GMDS: variants seen among roughly 807,000 people sequenced by gnomAD.
GMDS encodes GDP-mannose 4,6 dehydratase.
GMDS carries 20 observed loss-of-function variants against 49.9 expected under a neutral mutation model. That is an observed-to-expected ratio of 0.40 (90% confidence interval 0.28 to 0.58). The LOEUF is 0.58. GMDS is among the 20% of genes least tolerant of loss of function. The probability of loss-of-function intolerance (pLI) is 0.42; values close to 1 mark genes in which losing one functional copy is unlikely to be tolerated. For missense variants in GMDS, 362 were observed against 481.4 expected, an observed-to-expected ratio of 0.75 and a Z score of 2.32; for synonymous variants, 177 against 178.6, an observed-to-expected ratio of 0.99 and a Z score of 0.07.
At chr6:1,804,643 C>A (rs2113666107) in intron 7 of GMDS, among the ~76,000 whole-genome samples, 1 of 152,210 alleles carries the variant, frequency 6.6e-6, no homozygotes, top group Admixed American at 6.5e-5. Context: ...CTTCATTATA[C>A]ATTAACTTTA....
At chr6:1,683,282 C>T (rs1328508290) in intron 9 of GMDS, among the ~76,000 whole-genome samples, 1 of 152,176 alleles carries the variant, frequency 6.6e-6, no homozygotes, top group African/African-American at 2.4e-5. Context: ...CGCCACCACG[C>T]CCGGCTAGTT....
intron 9 of GMDS, among the ~76,000 whole-genome samples, chr6:1,690,107 G>C (rs9405503): frequency 6.6e-6 from 1 of 152,062 alleles, no homozygotes; most frequent in Non-Finnish European, 1.5e-5. Context: ...CTTGTCTCAA[G>C]AATAACAATA....
At chr6:1,760,398 TG>T (rs2113548807) in intron 7 of GMDS, among the ~76,000 whole-genome samples, 1 of 152,102 alleles carries the variant, frequency 6.6e-6, no homozygotes, top group East Asian at 1.9e-4. Context: ...CAGTATCCAG[TG>T]GGGAAGATGG....
intron 7 of GMDS, among the ~76,000 whole-genome samples, chr6:1,780,763 TG>T (rs1769047406): frequency 2.0e-5 from 3 of 152,212 alleles, no homozygotes; most frequent in Non-Finnish European, 2.9e-5. Context: ...TCCTAGTGCC[TG>T]GTGAGATGTC....
intron 9 of GMDS, among the ~76,000 whole-genome samples, chr6:1,711,605 C>T (rs1467476535): frequency 6.6e-6 from 1 of 152,144 alleles, no homozygotes; most frequent in Middle Eastern, 3.2e-3. Flanking sequence ...TATTTGTGGC[C>T]TGTGATTTTG....
intron 7 of GMDS, among the ~76,000 whole-genome samples, chr6:1,767,300 C>A (rs1311729340): frequency 6.6e-6 from 1 of 152,024 alleles, no homozygotes; most frequent in Non-Finnish European, 1.5e-5. Flanking sequence ...ACAGAAACGA[C>A]AACAACTCTT....
intron 4 of GMDS, among the ~76,000 whole-genome samples, chr6:2,061,786 T>A (rs1771198123): frequency 6.6e-6 from 1 of 150,580 alleles, no homozygotes; most frequent in South Asian, 2.1e-4. Flanking sequence ...ACTACCTCAG[T>A]TGGAATGATC....
intron 7 of GMDS, among the ~76,000 whole-genome samples, chr6:1,926,293 C>T (rs751359353): frequency 1.3e-4 from 20 of 152,164 alleles, no homozygotes; most frequent in Non-Finnish European, 2.8e-4. Context: ...TGAAAGAGCA[C>T]CCTGTAACAC....
At chr6:1,694,184 C>A (rs934921892) in intron 9 of GMDS, among the ~76,000 whole-genome samples, 4 of 152,116 alleles carry the variant, frequency 2.6e-5, no homozygotes, top group African/African-American at 9.7e-5. Context: ...TTCTACTATG[C>A]TACGGATTGT....
intron 1 of GMDS, among the ~76,000 whole-genome samples, chr6:2,169,616 G>A (rs1033498923): frequency 2.9e-5 from 4 of 136,768 alleles, no homozygotes; most frequent in African/African-American, 6.1e-5. Context: ...AAAGCCACCA[G>A]GCAGCAAAAA....
chr6:2,006,386 C>T (rs1302544933), intron 4 of GMDS, among the ~76,000 whole-genome samples: 2 of 152,000 alleles, frequency 1.3e-5, no homozygotes, highest in Non-Finnish European at 2.9e-5. Context: ...TATGATCATG[C>T]CACTGCACCT....
chr6:1,878,545 G>C (rs1478105344), intron 7 of GMDS, among the ~76,000 whole-genome samples: 1 of 151,964 alleles, frequency 6.6e-6, no homozygotes, highest in Non-Finnish European at 1.5e-5. Flanking sequence ...ATTCCGGTGG[G>C]GCAGGCTCAG....
At chr6:1,667,554 A>G (rs933216819) in intron 9 of GMDS, among the ~76,000 whole-genome samples, 1 of 152,158 alleles carries the variant, frequency 6.6e-6, no homozygotes, top group African/African-American at 2.4e-5. Flanking sequence ...CACCAAGGGG[A>G]TTTGCTGGGT....
intron 4 of GMDS, among the ~76,000 whole-genome samples, chr6:1,993,411 G>A (rs1049389146): frequency 1.3e-5 from 2 of 152,136 alleles, no homozygotes; most frequent in Non-Finnish European, 2.9e-5. Context: ...GTGGACTCCT[G>A]AGAGCAAGGT....
chr6:1,692,709 C>T (rs1286996312), intron 9 of GMDS, among the ~76,000 whole-genome samples: 1 of 152,166 alleles, frequency 6.6e-6, no homozygotes, highest in Non-Finnish European at 1.5e-5. Flanking sequence ...ATTTTCATGA[C>T]AGACATTATA....
chr6:1,974,100 C>T (rs1426201531), intron 4 of GMDS, among the ~76,000 whole-genome samples: 1 of 151,776 alleles, frequency 6.6e-6, no homozygotes, highest in Non-Finnish European at 1.5e-5. Flanking sequence ...TTCTCTTGAC[C>T]TCTCTCCTCC....
intron 7 of GMDS, among the ~76,000 whole-genome samples, chr6:1,886,410 T>C (rs1759609663): frequency 6.6e-6 from 1 of 152,198 alleles, no homozygotes; most frequent in Non-Finnish European, 1.5e-5. Flanking sequence ...GACCCAGTTG[T>C]TGTGAATGCA....
intron 9 of GMDS, among the ~76,000 whole-genome samples, chr6:1,684,147 T>C (rs1390310434): frequency 3.9e-5 from 6 of 152,178 alleles, no homozygotes; most frequent in Admixed American, 3.9e-4. Context: ...AGCTTCCTCC[T>C]TGGTGAAGTG....
intron 4 of GMDS, among the ~76,000 whole-genome samples, chr6:2,065,357 G>C (rs1422540613): frequency 1.3e-5 from 2 of 152,174 alleles, no homozygotes; most frequent in South Asian, 2.1e-4. Flanking sequence ...ACTCTAAAAA[G>C]CAGAGCGCCT....
Sources: gnomAD v4.1 joint callset for allele counts (sites outside exome capture counted in the v4.1 genomes callset) on GRCh38, gnomAD v4.1.1 for gene constraint, MANE v1.5 for transcripts, NCBI Gene and HGNC (gene_info 2026-07-23, HGNC 2026-07-21) for gene names.